The following SENP5 variants were observed in gnomAD, a reference collection of about 807,000 sequenced individuals.
SENP5 encodes the protein sentrin-specific protease 5.
In SENP5, 21 loss-of-function variants were observed where a neutral mutation model predicts 74.2. The observed-to-expected ratio is 0.28, with a 90% CI of 0.20 to 0.41. The LOEUF is 0.41. Among genes scored for constraint, SENP5 ranks in the 10% least tolerant of loss-of-function variants. SENP5 has a pLI of 1.00. For missense variants in SENP5, 717 were observed against 889.1 expected, an observed-to-expected ratio of 0.81 and a Z score of 2.46; for synonymous variants, 311 against 312.7, an observed-to-expected ratio of 0.99 and a Z score of 0.06.
intron 6 of SENP5, among the ~76,000 whole-genome samples, chr3:196,911,565 A>AG (rs1369265349): frequency 6.6e-6 from 1 of 152,064 alleles, no homozygotes; most frequent in African/African-American, 2.4e-5. Flanking sequence ...TCAAAAAAAA[A>AG]AAAAAAAGGA....
At chr3:196,900,869 T>G (rs1361252580) in intron 5 of SENP5, among the ~76,000 whole-genome samples, 1 of 151,990 alleles carries the variant, frequency 6.6e-6, no homozygotes, top group Non-Finnish European at 1.5e-5. Flanking sequence ...ATTACAGGTG[T>G]GAGCCACAGC....
chr3:196,918,605 G>T (rs151059087), intron 6 of SENP5, among the ~76,000 whole-genome samples: 2 of 151,746 alleles, frequency 1.3e-5, no homozygotes, highest in Non-Finnish European at 2.9e-5. Context: ...AGGAAGGGAA[G>T]ACCATAAAAC....
chr3:196,919,547 A>G (rs1715526478), intron 6 of SENP5, among the ~76,000 whole-genome samples: 1 of 152,172 alleles, frequency 6.6e-6, no homozygotes, highest in Non-Finnish European at 1.5e-5. Context: ...TAATCCCAGC[A>G]TTTTGGGAGG....
At position 196,910,028 on chromosome 3, in the gene SENP5, C is replaced by T. The variant is rs756129234; in HGVS notation, c.1884+6418C>T. Among the ~76,000 whole-genome samples, 16 of 152,208 alleles carry T rather than the reference C, an allele frequency of 1.1e-4. No individual in the cohort carries two copies. In the East Asian group the frequency reaches 1.2e-3, roughly 11 times the overall value. On this transcript the variant is annotated intron_variant, in intron 6 of 9. Coordinates refer to ENST00000323460, the MANE Select transcript of SENP5 (RefSeq NM_152699.5). The stretch of plus-strand genomic sequence containing the variant: ...ATCGTCTCAGCCCCAAAACCCCTTA[C>T]GTTGATAAGAAACTTTAGCAAAGTC...
At position 196,932,620 on chromosome 3, in the gene SENP5, C is replaced by T. The variant is rs960574169; in HGVS notation, c.*1697C>T. On this transcript the variant is annotated 3_prime_UTR_variant, in exon 10 of 10. Transcript: ENST00000323460. The stretch of plus-strand genomic sequence containing the variant: ...GCTGCTATAGGTGGGGTTCTGTCAG[C>T]GTTAGGAAAAAATGACAGTTTAGGG... 1.1e-4 allele frequency: 17 copies of T among 150,826 alleles called. No individual in the cohort carries two copies. The highest frequency in any genetic ancestry group is 3.7e-4 in the African/African-American group (15 of 40,928). 9.3% of individuals were successfully genotyped at this position (150,826 alleles called of 1,614,324 possible).
intron 1 of SENP5, among the ~76,000 whole-genome samples, chr3:196,878,831 A>T (rs1439692177): frequency 6.6e-6 from 1 of 152,132 alleles, no homozygotes; most frequent in Non-Finnish European, 1.5e-5. Flanking sequence ...ACCTCAAATG[A>T]TCCGCTTGCC....
intron 1 of SENP5, among the ~76,000 whole-genome samples, chr3:196,877,163 T>C (rs1390011970): frequency 1.3e-5 from 2 of 152,044 alleles, no homozygotes; most frequent in Non-Finnish European, 2.9e-5. Context: ...TACTACCTTA[T>C]TTTATTTTTT....
At chr3:196,910,192 A>G (rs188676310) in intron 6 of SENP5, among the ~76,000 whole-genome samples, 5 of 152,236 alleles carry the variant, frequency 3.3e-5, no homozygotes, top group Admixed American at 1.3e-4. Flanking sequence ...ACAGTTTATA[A>G]GGGATGTGAA....
chr3:196,930,000 A>AAC (rs1435590067), intron 9 of SENP5, among the ~76,000 whole-genome samples: 3 of 152,074 alleles, frequency 2.0e-5, no homozygotes, highest in Non-Finnish European at 4.4e-5. Flanking sequence ...AAAAAAAAAA[A>AAC]AAAAAACATT....
chr3:196,895,210 G>C (rs1287287799), intron 2 of SENP5, among the ~76,000 whole-genome samples: 1 of 67,726 alleles, frequency 1.5e-5, no homozygotes, highest in Non-Finnish European at 2.9e-5. Context: ...TTTTTTTTTT[G>C]AGACGGAGTC....
At chr3:196,868,657 A>G (rs921405109) in intron 1 of SENP5, among the ~76,000 whole-genome samples, 4 of 152,188 alleles carry the variant, frequency 2.6e-5, no homozygotes, top group Non-Finnish European at 4.4e-5. Flanking sequence ...AGAATAGCCG[A>G]GGTGAAATCC....
At position 196,920,286 on chromosome 3, in the gene SENP5, C is replaced by A. The variant is rs538644828; in HGVS notation, c.1885-3128C>A. 2.6e-5 allele frequency among the ~76,000 whole-genome samples: 4 copies of A among 152,078 alleles called. No individual in the cohort carries two copies. In the East Asian group the frequency reaches 7.7e-4, roughly 29 times the overall value. Reference sequence around the variant, plus strand: ...ACATATACATTCTTGTTAAATGTATCCTTAAGTATTTCATGTTTCTGAATT... The same window carrying A: ...ACATATACATTCTTGTTAAATGTATACTTAAGTATTTCATGTTTCTGAATT... On this transcript the variant is annotated intron_variant, in intron 6 of 9. Transcript: ENST00000323460.
intron 1 of SENP5, among the ~76,000 whole-genome samples, chr3:196,878,065 A>G (rs1013304819): frequency 6.6e-6 from 1 of 152,208 alleles, no homozygotes; most frequent in Non-Finnish European, 1.5e-5. Context: ...AACAGGAACA[A>G]TGAGAATAAC....
intron 7 of SENP5, 150 bp from the exon 8 acceptor site, chr3:196,927,646 A>G (rs1281767100): frequency 5.6e-6 from 3 of 538,362 alleles, no homozygotes; most frequent in African/African-American, 1.9e-5. Flanking sequence ...TAAAAAAAAA[A>G]AAAAAAAAAA....
intron 9 of SENP5, among the ~76,000 whole-genome samples, chr3:196,930,400 G>A (rs1008063408): frequency 6.6e-6 from 1 of 152,148 alleles, no homozygotes; most frequent in African/African-American, 2.4e-5. Context: ...CACTAGCTTG[G>A]TCAGTCACCT....
At position 196,874,796 on chromosome 3, in the gene SENP5, T is replaced by C. The variant is rs151192715; in HGVS notation, c.-32+6723T>C. Among the ~76,000 whole-genome samples, 610 of 152,248 alleles carry C rather than the reference T, an allele frequency of 4.0e-3. 6 individuals are homozygous for C. Among genetic ancestry groups the C allele is most frequent in the African/African-American group, 0.014 (572 of 41,540 alleles). On this transcript the variant is annotated intron_variant, in intron 1 of 9. Coordinates refer to ENST00000323460, the MANE Select transcript of SENP5 (RefSeq NM_152699.5). ...TGGGAGCCTGAGGCAGGAGAATTGC[T>C]TGAACCCGGGAGGCGGAGGTTGCAG... is the stretch of plus-strand genomic sequence containing the variant.
chr3:196,882,986 C>T (rs1022796389), intron 1 of SENP5, among the ~76,000 whole-genome samples: 15 of 149,138 alleles, frequency 1.0e-4, no homozygotes, highest in Non-Finnish European at 1.9e-4. Context: ...CTTCAGTCTG[C>T]TTGTATGGGT....
chr3:196,874,896 T>G (rs1713388859), intron 1 of SENP5, among the ~76,000 whole-genome samples: 1 of 152,180 alleles, frequency 6.6e-6, no homozygotes, highest in South Asian at 2.1e-4. Context: ...CTAGAGTTCC[T>G]TGGGCTATTG....
chr3:196,896,696 A>C (rs1249195462), intron 2 of SENP5, among the ~76,000 whole-genome samples: 2 of 151,956 alleles, frequency 1.3e-5, no homozygotes, highest in Non-Finnish European at 2.9e-5. Context: ...CAGGTGATCC[A>C]CCCGCCTTCC....
Sources: allele counts gnomAD v4.1 joint callset (sites outside exome capture counted in the v4.1 genomes callset), GRCh38; gene constraint gnomAD v4.1.1; transcripts MANE v1.5; gene names NCBI Gene and HGNC (gene_info 2026-07-23, HGNC 2026-07-21).